The following EDA variants were observed in gnomAD, a reference collection of about 807,000 sequenced individuals.
EDA encodes ectodysplasin-A.
A neutral mutation model predicts 23.6 loss-of-function variants in EDA; 2 were observed. That is an observed-to-expected ratio of 0.08 (90% confidence interval 0.03 to 0.27). The LOEUF is 0.27. Among genes scored for constraint, EDA ranks in the 10% least tolerant of loss-of-function variants. The probability of loss-of-function intolerance (pLI) is 1.00; values close to 1 mark genes in which losing one functional copy is unlikely to be tolerated. For missense variants in EDA, 229 were observed against 324.2 expected (o/e 0.71, Z 2.26); for synonymous variants, 131 against 132.0 (o/e 0.99, Z 0.05).
chrX:69,836,491 C>T (rs2016778487), intron 1 of EDA, among the ~76,000 whole-genome samples: 1 of 112,589 alleles, frequency 8.9e-6, no homozygotes, highest in Admixed American at 9.4e-5. Flanking sequence ...GGATCTCAGA[C>T]TGCTGCGCTA....
chrX:69,709,752 C>G (rs1457931738), intron 1 of EDA, among the ~76,000 whole-genome samples: 1 of 112,232 alleles, frequency 8.9e-6, no homozygotes, highest in Non-Finnish European at 1.9e-5. Flanking sequence ...ACCTCAACCT[C>G]CAGAGGAACT....
intron 1 of EDA, among the ~76,000 whole-genome samples, chrX:69,860,399 G>T (rs62605768): frequency 0.23 from 25,832 of 110,821 alleles, 2,336 homozygotes; most frequent in African/African-American, 0.31. Context: ...GCTCCCTTCA[G>T]GAGCTCTTGT....
intron 1 of EDA, among the ~76,000 whole-genome samples, chrX:69,854,604 C>T (rs980738637): frequency 3.6e-5 from 4 of 111,912 alleles, no homozygotes; most frequent in Admixed American, 2.8e-4. Flanking sequence ...ATAAAGGCTT[C>T]CAGCTCCATC....
At chrX:69,812,139 G>A (rs776277913) in intron 1 of EDA, among the ~76,000 whole-genome samples, 2 of 112,077 alleles carry the variant, frequency 1.8e-5, no homozygotes, top group African/African-American at 6.5e-5. Context: ...CTTTTAAAAA[G>A]CTACTAGTGT....
chrX:69,662,145 C>T (rs1320572296), intron 1 of EDA, among the ~76,000 whole-genome samples: 1 of 111,613 alleles, frequency 9.0e-6, no homozygotes, highest in African/African-American at 3.3e-5. Flanking sequence ...AAGCCCCCAC[C>T]CATAGTAATC....
At chrX:69,786,736 G>T (rs1252485898) in intron 1 of EDA, among the ~76,000 whole-genome samples, 1 of 110,165 alleles carries the variant, frequency 9.1e-6, no homozygotes, top group African/African-American at 3.3e-5. Context: ...TGGAATAGGT[G>T]TGGTGTGGTG....
At chrX:70,030,554 A>G in intron 6 of EDA, 34 bp downstream of exon 6, 2 of 1,135,226 alleles carry the variant, frequency 1.8e-6, no homozygotes, top group Non-Finnish European at 2.4e-6. Flanking sequence ...CCCAAAGAGG[A>G]GCTTCTCCCC....
At chrX:69,623,668 C>CTTTTTTTTT (rs754360005) in intron 1 of EDA, among the ~76,000 whole-genome samples, 1 of 96,674 alleles carries the variant, frequency 1.0e-5, no homozygotes, top group Non-Finnish European at 2.1e-5. Flanking sequence ...TCTTTTTTTT[C>CTTTTTTTTT]TTTTTTTTTT....
At chrX:69,620,820 C>T (rs1039914991) in intron 1 of EDA, 2 of 370,704 alleles carry the variant, frequency 5.4e-6, no homozygotes, top group Admixed American at 5.6e-5. Flanking sequence ...TACTCAAATA[C>T]TTGTTGAGTT....
intron 2 of EDA, among the ~76,000 whole-genome samples, chrX:70,003,302 C>A (rs1245588286): frequency 9.0e-6 from 1 of 111,633 alleles, no homozygotes; most frequent in African/African-American, 3.3e-5. Context: ...CCAGGCCAGA[C>A]CTATTTTGAA....
At chrX:69,670,078 C>A in intron 1 of EDA, 1 of 302,430 alleles carries the variant, frequency 3.3e-6, no homozygotes, top group Non-Finnish European at 5.7e-6. Context: ...TCTTGTAGGG[C>A]AGGTCCAGTG....
intron 1 of EDA, among the ~76,000 whole-genome samples, chrX:69,844,519 C>T (rs1429361804): frequency 8.9e-6 from 1 of 112,379 alleles, no homozygotes; most frequent in Non-Finnish European, 1.9e-5. Context: ...TGTGTCTATC[C>T]CTTAAACTTC....
intron 1 of EDA, among the ~76,000 whole-genome samples, chrX:69,663,682 T>C (rs1933588446): frequency 8.9e-6 from 1 of 111,800 alleles, no homozygotes; most frequent in African/African-American, 3.2e-5. Context: ...GAATTGTAGA[T>C]CTACTGACAG....
intron 1 of EDA, among the ~76,000 whole-genome samples, chrX:69,909,541 C>T (rs1430259364): frequency 8.9e-6 from 1 of 112,360 alleles, no homozygotes; most frequent in Non-Finnish European, 1.9e-5. Context: ...TCAAGTGATC[C>T]GTTCACCTTG....
chrX:69,897,624 G>C (rs1018672320), intron 1 of EDA, among the ~76,000 whole-genome samples: 9 of 112,023 alleles, frequency 8.0e-5, no homozygotes, highest in African/African-American at 2.9e-4. Flanking sequence ...TTTGCTTCTT[G>C]AGAGATAGAT....
intron 1 of EDA, among the ~76,000 whole-genome samples, chrX:69,756,037 C>T (rs1413254480): frequency 7.1e-5 from 8 of 112,212 alleles, no homozygotes; most frequent in African/African-American, 2.3e-4. Context: ...CCCCGCCCTG[C>T]TCCATGGGCT....
chrX:69,894,737 G>A (rs753879145), intron 1 of EDA, among the ~76,000 whole-genome samples: 12 of 111,634 alleles, frequency 1.1e-4, no homozygotes, highest in Non-Finnish European at 2.3e-4. Context: ...GAATGCTACC[G>A]ATTTTTGTAC....
chrX:69,918,243 G>A (rs142542706), intron 1 of EDA, among the ~76,000 whole-genome samples: 5,945 of 101,091 alleles, frequency 0.059, 188 homozygotes, highest in Middle Eastern at 0.086. Context: ...TACAACCTCC[G>A]TCTGTCGGGT....
At position 69,749,919 on chromosome X, in the gene EDA, GTTCTTTTT is replaced by G. The variant is rs1230954473; in HGVS notation, c.396+133218_396+133225del. Among the ~76,000 whole-genome samples, 17 of 48,610 alleles carry G rather than the reference GTTCTTTTT, an allele frequency of 3.5e-4. 1 individual carries two copies. In the East Asian group the frequency reaches 0.018, roughly 50 times the overall value. 42.2% of individuals were successfully genotyped at this position (48,610 alleles called of 115,157 possible). A position where few individuals can be genotyped will look rare whatever the true frequency, so the allele number is the denominator to read the frequency against. On this transcript the variant is annotated intron_variant, in intron 1 of 7. Coordinates refer to ENST00000374552, the MANE Select transcript of EDA (RefSeq NM_001399.5). ...TTTTTAGAAACTTCCTCTCACTAAG[GTTCTTTTT>G]TTTTTTTTTTTTTTTTTTTTTTGGT...
Sources: gnomAD v4.1 joint callset for allele counts (sites outside exome capture counted in the v4.1 genomes callset) on GRCh38, gnomAD v4.1.1 for gene constraint, MANE v1.5 for transcripts, NCBI Gene and HGNC (gene_info 2026-07-23, HGNC 2026-07-21) for gene names.